Variants in PLAT observed in about 807,000 individuals in gnomAD.
PLAT encodes plasminogen activator, tissue type.
A neutral mutation model predicts 74.9 loss-of-function variants in PLAT; 48 were observed. That is an observed-to-expected ratio of 0.64 (90% confidence interval 0.51 to 0.82). The LOEUF (loss-of-function observed/expected upper bound fraction) is 0.82, where lower values mean the gene tolerates loss of function less well. Ranked by LOEUF, PLAT falls within the 40% of genes least tolerant of loss-of-function variation. The pLI is 0.00. For synonymous variants in PLAT, 307 were observed against 294.4 expected (o/e 1.04, Z -0.44); for missense variants, 673 against 736.2 (o/e 0.91, Z 0.99).
At chr8:42,204,798 T>A (rs1456120108) in intron 1 of PLAT, among the ~76,000 whole-genome samples, 1 of 150,564 alleles carries the variant, frequency 6.6e-6, no homozygotes, top group Admixed American at 6.6e-5. Flanking sequence ...GGAGGGCAGA[T>A]CACGAGGTCA....
At chr8:42,203,212 G>A (rs1441409430) in intron 1 of PLAT, among the ~76,000 whole-genome samples, 2 of 152,204 alleles carry the variant, frequency 1.3e-5, no homozygotes, top group South Asian at 2.1e-4. Context: ...TAACCTGGAA[G>A]TGATCACTTC....
Position 42,193,230 on chromosome 8 carries a change from C to G in PLAT, c.-26-19G>C, listed in dbSNP as rs1305514753. On this transcript the variant is annotated intron_variant, in intron 1 of 13. Transcript: ENST00000220809. ...TTAAATTCTGGAAGGAGAGAAAAAA[C>G]AGCTTGATCACGGGGTGCGAGAGGT... The G allele has an allele frequency of 6.6e-7, 1 of 1,521,734 alleles. No homozygotes were observed. 94.3% of individuals were successfully genotyped at this position (1,521,734 alleles called of 1,614,324 possible). A position where few individuals can be genotyped will look rare whatever the true frequency, so the allele number is the denominator to read the frequency against.
intron 1 of PLAT, among the ~76,000 whole-genome samples, chr8:42,194,004 G>C (rs8178724): frequency 1.1e-5 from 1 of 92,198 alleles, no homozygotes; most frequent in Non-Finnish European, 2.3e-5. Context: ...GTGAGCCACC[G>C]CGCCCCCGCT....
rs1234013530 is a variant in PLAT, at chr8:42,176,195, C to CT, written c.1531-45dup. On this transcript the variant is annotated intron_variant, in intron 13 of 13. Transcript: ENST00000220809. ...GTTTGGCGTTTGCAAAAAAAGCAGA[C>CT]TATCTGGAGAAAGTCAGTATGTGTA... 6.5e-6 allele frequency: 10 copies of CT among 1,536,338 alleles called. No individual in the cohort carries two copies. In the South Asian group the frequency reaches 1.2e-4, roughly 18 times the overall value.
chr8:42,205,522 G>A (rs767440836), intron 1 of PLAT, among the ~76,000 whole-genome samples: 56 of 151,870 alleles, frequency 3.7e-4, no homozygotes, highest in Non-Finnish European at 4.7e-4. Flanking sequence ...GTGAAACTCC[G>A]TCTCAAAAAA....
chr8:42,176,274 C>T (rs1036913766), intron 13 of PLAT, 123 bp from the exon 14 acceptor site: 6 of 668,290 alleles, frequency 9.0e-6, no homozygotes, highest in Admixed American at 8.7e-5. Context: ...ATATTCCATT[C>T]AGTGTCATTT....
chr8:42,186,688 A>G (rs1479943975), intron 6 of PLAT: 2 of 152,170 alleles, frequency 1.3e-5, no homozygotes, highest in Non-Finnish European at 1.5e-5. Context: ...GGGTTCACAC[A>G]CATTCTCTCT....
rs555575741 is a variant in PLAT at position 42,176,211 on chromosome 8, A to G, written c.1531-60T>C. On this transcript the variant is annotated intron_variant, in intron 13 of 13. Transcript: ENST00000220809. The stretch of plus-strand genomic sequence containing the variant: ...AAAAGCAGACTATCTGGAGAAAGTC[A>G]GTATGTGTAGCATGAACATCGTAAT... The G allele has an allele frequency of 7.6e-5, 99 of 1,299,938 alleles. 1 individual carries two copies. In the Admixed American group the frequency reaches 1.1e-3, roughly 14 times the overall value. The allele number at this position is 1,299,938 out of a possible 1,614,324, so 80.5% of individuals were successfully genotyped here. A position where few individuals can be genotyped will look rare whatever the true frequency, so the allele number is the denominator to read the frequency against.
At chr8:42,183,447 G>A (rs929708111) in intron 7 of PLAT, among the ~76,000 whole-genome samples, 1 of 152,026 alleles carries the variant, frequency 6.6e-6, no homozygotes, top group African/African-American at 2.4e-5. Context: ...ACTTCCATGA[G>A]TGGGGGCTGT....
In PLAT at chr8:42,180,797, G is replaced by A. The variant is rs1805211853; in HGVS notation, c.890-112C>T. 7.0e-6 allele frequency: 5 copies of A among 712,370 alleles called. No individual in the cohort carries two copies. The African/African-American group carries it at 8.9e-5, about 13-fold the overall frequency. 44.1% of individuals were successfully genotyped at this position (712,370 alleles called of 1,614,324 possible). A position where few individuals can be genotyped will look rare whatever the true frequency, so the allele number is the denominator to read the frequency against. On this transcript the variant is annotated intron_variant, in intron 9 of 13. Coordinates refer to ENST00000220809, the MANE Select transcript of PLAT (RefSeq NM_000930.5). ...TAAAACCACAACTTTCACTTGGTGG[G>A]ATCAGCATGCCGAATGTTGTCCATA...
rs111567974 is a variant in PLAT at position 42,179,537 on chromosome 8, C to A, written c.1363+389G>T. Among the ~76,000 whole-genome samples, 349 of 152,278 alleles carry A rather than the reference C, an allele frequency of 2.3e-3. 1 individual carries two copies. The highest frequency in any genetic ancestry group is 8.0e-3 in the African/African-American group (332 of 41,556). On this transcript the variant is annotated intron_variant, in intron 12 of 13. Coordinates refer to ENST00000220809, the MANE Select transcript of PLAT (RefSeq NM_000930.5). Reference sequence around the variant, plus strand: ...GATAGTTCTATCTCCACTTTACCAACGAGGAAACTGAGGCTGGGAGCAGTT... The same window carrying A: ...GATAGTTCTATCTCCACTTTACCAAAGAGGAAACTGAGGCTGGGAGCAGTT...
At chr8:42,206,248 C>T (rs1294304574) in intron 1 of PLAT, among the ~76,000 whole-genome samples, 2 of 152,180 alleles carry the variant, frequency 1.3e-5, no homozygotes, top group Non-Finnish European at 2.9e-5. Flanking sequence ...TGGAGGCTTG[C>T]ATCTTTGAGA....
rs62001885 is a variant in PLAT, at chr8:42,179,052, A to G, written c.1375T>C (p.Tyr459His). 627 of 1,611,296 alleles carry G rather than the reference A, an allele frequency of 3.9e-4. No homozygotes were observed. Among genetic ancestry groups the G allele is most frequent in the Non-Finnish European group, 5.2e-4 (607 of 1,177,964 alleles). The change falls in exon 13 of 14, where the codon TAT becomes CAT. Residue 459 changes from tyrosine to histidine, a missense_variant. Physicochemically the swap from Tyr to His is moderately conservative, Grantham distance 83. Transcript: ENST00000220809. ...YGKHEALSPF[Y>H]SERLKEAHVR... ...TGAGCCTCCTTCAGCCGCTCCGAAT[A>G]GAAAGGAGACACTGAAAGGGGAGAA...
intron 13 of PLAT, among the ~76,000 whole-genome samples, chr8:42,177,629 A>C (rs1805021937): frequency 6.6e-6 from 1 of 152,214 alleles, no homozygotes. Context: ...GCACTGGAAG[A>C]CATCTAGTAA....
chr8:42,194,680 C>G (rs1438703916), intron 1 of PLAT, among the ~76,000 whole-genome samples: 1 of 152,164 alleles, frequency 6.6e-6, no homozygotes, highest in Admixed American at 6.5e-5. Context: ...GCCAGCACAT[C>G]ATAGAGCCAG....
chr8:42,191,454 C>G, intron 2 of PLAT, 40 bp from the exon 3 acceptor site: 1 of 1,603,242 alleles, frequency 6.2e-7, no homozygotes, highest in Non-Finnish European at 8.5e-7. Context: ...TCAGCACATG[C>G]CAGGTGTACT....
At chr8:42,179,891 C>T (rs1564126036) in intron 12 of PLAT, 35 bp downstream of exon 12, 13 of 1,531,040 alleles carry the variant, frequency 8.5e-6, no homozygotes, top group Non-Finnish European at 1.1e-5. Flanking sequence ...TGCTGTCCCG[C>T]AGACAGGATG....
chr8:42,192,106 C>T (rs995675486), intron 2 of PLAT, among the ~76,000 whole-genome samples: 16 of 150,654 alleles, frequency 1.1e-4, no homozygotes, highest in African/African-American at 3.2e-4. Flanking sequence ...TGAACTTAAG[C>T]GATCCTCCCG....
At chr8:42,177,636 G>C (rs948459371) in intron 13 of PLAT, among the ~76,000 whole-genome samples, 3 of 152,194 alleles carry the variant, frequency 2.0e-5, no homozygotes, top group Admixed American at 6.5e-5. Flanking sequence ...AAGACATCTA[G>C]TAAAACTCTT....
Sources: gnomAD v4.1 joint callset for allele counts (sites outside exome capture counted in the v4.1 genomes callset) on GRCh38, gnomAD v4.1.1 for gene constraint, MANE v1.5 for transcripts, NCBI Gene and HGNC (gene_info 2026-07-23, HGNC 2026-07-21) for gene names.